Variants in PPM1L observed in about 807,000 individuals in gnomAD.
PPM1L encodes protein phosphatase 1L.
A neutral mutation model predicts 31.4 loss-of-function variants in PPM1L; 13 were observed. The ratio of observed to expected loss-of-function variants is 0.41; its 90% CI spans 0.27 to 0.66. The LOEUF (loss-of-function observed/expected upper bound fraction) is 0.66, where lower values mean the gene tolerates loss of function less well. Ranked by LOEUF, PPM1L falls within the 30% of genes least tolerant of loss-of-function variation. The probability of loss-of-function intolerance (pLI) is 0.29; values close to 1 mark genes in which losing one functional copy is unlikely to be tolerated. For synonymous variants in PPM1L, 184 were observed against 175.4 expected, an observed-to-expected ratio of 1.05 and a Z score of -0.39; for missense variants, 326 against 453.7, an observed-to-expected ratio of 0.72 and a Z score of 2.56.
intron 1 of PPM1L, chr3:160,842,393 G>T (rs1314290286): frequency 2.2e-5 from 15 of 684,074 alleles, no homozygotes; most frequent in Non-Finnish European, 3.7e-5. Context: ...ATTGGGAGGG[G>T]CTTTGAATGC....
At chr3:160,905,118 T>C (rs1170499859) in intron 1 of PPM1L, among the ~76,000 whole-genome samples, 3 of 152,224 alleles carry the variant, frequency 2.0e-5, no homozygotes, top group African/African-American at 7.2e-5. Flanking sequence ...CATGAACTTT[T>C]CTAAGGAATG....
intron 1 of PPM1L, among the ~76,000 whole-genome samples, chr3:160,915,723 G>A (rs926574285): frequency 6.6e-6 from 1 of 152,068 alleles, no homozygotes; most frequent in Non-Finnish European, 1.5e-5. Context: ...ATAGACCAAT[G>A]GAACAGAACA....
At chr3:160,895,314 G>A (rs756841275) in intron 1 of PPM1L, among the ~76,000 whole-genome samples, 3 of 152,138 alleles carry the variant, frequency 2.0e-5, no homozygotes, top group Non-Finnish European at 4.4e-5. Flanking sequence ...TTGGGCTCAA[G>A]CAATCCTCCC....
intron 2 of PPM1L, among the ~76,000 whole-genome samples, chr3:160,972,265 T>G (rs191331554): frequency 6.6e-6 from 1 of 152,084 alleles, no homozygotes; most frequent in Non-Finnish European, 1.5e-5. Flanking sequence ...TTGTTACATA[T>G]GTATACATGT....
intron 2 of PPM1L, among the ~76,000 whole-genome samples, chr3:160,976,193 T>G (rs1257208817): frequency 7.7e-6 from 1 of 129,258 alleles, no homozygotes; most frequent in Non-Finnish European, 1.6e-5. Context: ...TTTGCATATA[T>G]TGAACCAGCC....
chr3:160,993,457 C>T (rs188668594), intron 2 of PPM1L, among the ~76,000 whole-genome samples: 128 of 152,154 alleles, frequency 8.4e-4, no homozygotes, highest in African/African-American at 2.7e-3. Context: ...AAAGAGTGTC[C>T]GAACAGAAGT....
chr3:161,045,072 A>G (rs1323003167), intron 2 of PPM1L, among the ~76,000 whole-genome samples: 1 of 152,214 alleles, frequency 6.6e-6, no homozygotes, highest in Non-Finnish European at 1.5e-5. Context: ...GAAGAGCTAA[A>G]TATCCTAAAT....
intron 1 of PPM1L, among the ~76,000 whole-genome samples, chr3:160,857,291 T>C (rs1711743529): frequency 6.6e-6 from 1 of 152,204 alleles, no homozygotes; most frequent in Non-Finnish European, 1.5e-5. Flanking sequence ...ATTCAACACA[T>C]TTTATCTTTA....
intron 1 of PPM1L, among the ~76,000 whole-genome samples, chr3:160,945,554 T>C (rs2108093114): frequency 6.6e-6 from 1 of 152,304 alleles, no homozygotes; most frequent in East Asian, 1.9e-4. Flanking sequence ...TGTTTTGATC[T>C]GTCCTATAAT....
At chr3:161,047,168 C>A (rs1264990824) in intron 2 of PPM1L, among the ~76,000 whole-genome samples, 1 of 152,166 alleles carries the variant, frequency 6.6e-6, no homozygotes, top group Non-Finnish European at 1.5e-5. Context: ...TTGCAGGTGA[C>A]ATGATTGCAT....
intron 1 of PPM1L, among the ~76,000 whole-genome samples, chr3:160,768,489 A>G (rs1453506417): frequency 6.6e-6 from 1 of 152,182 alleles, no homozygotes; most frequent in African/African-American, 2.4e-5. Context: ...TCTTCCCCCA[A>G]AATTAAATAT....
intron 2 of PPM1L, among the ~76,000 whole-genome samples, chr3:161,016,548 C>T (rs1213935754): frequency 1.3e-5 from 2 of 152,184 alleles, no homozygotes; most frequent in Non-Finnish European, 2.9e-5. Flanking sequence ...GCTCACAGGA[C>T]ATTCAGGCTG....
At chr3:160,870,044 T>C (rs1712247554) in intron 1 of PPM1L, among the ~76,000 whole-genome samples, 1 of 152,158 alleles carries the variant, frequency 6.6e-6, no homozygotes, top group Non-Finnish European at 1.5e-5. Flanking sequence ...AAATTTGCCC[T>C]GAGGACAAGG....
chr3:160,885,840 G>A (rs1349916398), intron 1 of PPM1L, among the ~76,000 whole-genome samples: 1 of 152,214 alleles, frequency 6.6e-6, no homozygotes, highest in Non-Finnish European at 1.5e-5. Flanking sequence ...CTCCCCTGGG[G>A]GAGGGGCAAC....
chr3:160,826,001 C>T (rs532981425), intron 1 of PPM1L, among the ~76,000 whole-genome samples: 10 of 152,198 alleles, frequency 6.6e-5, no homozygotes, highest in East Asian at 1.9e-4. Flanking sequence ...GGATGCTCCT[C>T]ATTGCCTAGC....
chr3:160,806,868 A>G (rs1484638709), intron 1 of PPM1L, among the ~76,000 whole-genome samples: 1 of 151,128 alleles, frequency 6.6e-6, no homozygotes, highest in African/African-American at 2.4e-5. Context: ...AAGGAAAGGA[A>G]GGAAAGGGAG....
intron 1 of PPM1L, among the ~76,000 whole-genome samples, chr3:160,808,167 G>T (rs572709893): frequency 1.3e-5 from 2 of 152,226 alleles, no homozygotes; most frequent in African/African-American, 2.4e-5. Flanking sequence ...GTGCCTTGTT[G>T]GTGTAGTAAT....
chr3:160,869,829 T>C (rs559280768), intron 1 of PPM1L, among the ~76,000 whole-genome samples: 42 of 152,250 alleles, frequency 2.8e-4, no homozygotes, highest in African/African-American at 9.6e-4. Flanking sequence ...GGGAATGTTC[T>C]CTCCAGCTAA....
At chr3:160,953,152 C>T (rs1033652288) in intron 1 of PPM1L, among the ~76,000 whole-genome samples, 3 of 152,130 alleles carry the variant, frequency 2.0e-5, no homozygotes, top group Admixed American at 2.0e-4. Flanking sequence ...GTCTCTATAT[C>T]AGGACCAACA....
Sources: gnomAD v4.1 joint callset for allele counts (sites outside exome capture counted in the v4.1 genomes callset) on GRCh38, gnomAD v4.1.1 for gene constraint, MANE v1.5 for transcripts, NCBI Gene and HGNC (gene_info 2026-07-23, HGNC 2026-07-21) for gene names.